KCNMA1: variants seen among roughly 807,000 people sequenced by gnomAD.
KCNMA1 encodes potassium calcium-activated channel subfamily M alpha 1, also known as Calcium-activated potassium channel subunit alpha-1.
Under a neutral mutation model 140.0 loss-of-function variants are expected in KCNMA1, and 29 were observed. The observed-to-expected ratio is 0.21, with a 90% CI of 0.15 to 0.28. KCNMA1 has a LOEUF of 0.28. Among genes scored for constraint, KCNMA1 ranks in the 10% least tolerant of loss-of-function variants. The probability of loss-of-function intolerance (pLI) is 1.00; values close to 1 mark genes in which losing one functional copy is unlikely to be tolerated. For missense variants in KCNMA1, 880 were observed against 1,602.2 expected, an observed-to-expected ratio of 0.55 and a Z score of 7.70; for synonymous variants, 612 against 611.9, an observed-to-expected ratio of 1.00 and a Z score of 0.00.
At chr10:76,931,480 T>C (rs2059259069) in intron 23 of KCNMA1, among the ~76,000 whole-genome samples, 1 of 150,762 alleles carries the variant, frequency 6.6e-6, no homozygotes, top group Admixed American at 6.6e-5. Context: ...TAATATGCTA[T>C]AGGTTTTCTG....
intron 5 of KCNMA1, among the ~76,000 whole-genome samples, chr10:77,160,176 A>C (rs2098539903): frequency 6.6e-6 from 1 of 151,810 alleles, no homozygotes; most frequent in Admixed American, 6.6e-5. Flanking sequence ...GAGTAAATCC[A>C]CTCCAGTTAC....
chr10:77,128,642 T>C (rs2097791376), intron 5 of KCNMA1, among the ~76,000 whole-genome samples: 1 of 152,162 alleles, frequency 6.6e-6, no homozygotes, highest in Non-Finnish European at 1.5e-5. Flanking sequence ...ACTTTTTCTA[T>C]AAATGAACAT....
intron 5 of KCNMA1, among the ~76,000 whole-genome samples, chr10:77,145,325 A>T (rs1423380428): frequency 6.6e-6 from 1 of 152,258 alleles, no homozygotes; most frequent in Non-Finnish European, 1.5e-5. Context: ...ACAAGAAAGG[A>T]TTTCTTATAA....
intron 1 of KCNMA1, chr10:77,433,633 C>T (rs543829606): frequency 1.2e-4 from 18 of 152,292 alleles, no homozygotes; most frequent in African/African-American, 2.9e-4. Context: ...CTGTAGAATC[C>T]GTGTATGCCT....
At chr10:77,397,206 C>T (rs1032987216) in intron 2 of KCNMA1, among the ~76,000 whole-genome samples, 1 of 152,118 alleles carries the variant, frequency 6.6e-6, no homozygotes, top group Non-Finnish European at 1.5e-5. Flanking sequence ...AAGAGTGTGA[C>T]ACTCTTGCTA....
chr10:77,451,473 T>C (rs1442825740), intron 1 of KCNMA1, among the ~76,000 whole-genome samples: 2 of 152,118 alleles, frequency 1.3e-5, no homozygotes, highest in South Asian at 2.1e-4. Context: ...TGAGAAGGCA[T>C]GTACCAACTC....
chr10:77,268,566 T>C (rs1043630152), intron 2 of KCNMA1, among the ~76,000 whole-genome samples: 1 of 152,018 alleles, frequency 6.6e-6, no homozygotes, highest in Non-Finnish European at 1.5e-5. Context: ...AGATTTCAGA[T>C]CAAAAGCAGT....
intron 1 of KCNMA1, among the ~76,000 whole-genome samples, chr10:77,450,118 C>T (rs889389716): frequency 1.7e-4 from 26 of 152,196 alleles, no homozygotes; most frequent in Non-Finnish European, 2.4e-4. Flanking sequence ...TGCAGTGGCA[C>T]GATCTTGGCT....
At chr10:77,605,765 C>G (rs1455371647) in intron 1 of KCNMA1, among the ~76,000 whole-genome samples, 1 of 152,230 alleles carries the variant, frequency 6.6e-6, no homozygotes, top group Non-Finnish European at 1.5e-5. Flanking sequence ...CTGGCTGATA[C>G]ATGGCAATGA....
At chr10:77,617,739 C>T (rs2090074527) in intron 1 of KCNMA1, among the ~76,000 whole-genome samples, 1 of 152,166 alleles carries the variant, frequency 6.6e-6, no homozygotes, top group Non-Finnish European at 1.5e-5. Context: ...ACATCATAGG[C>T]TGATTTAGAG....
At chr10:77,500,678 T>C (rs1005525836) in intron 1 of KCNMA1, among the ~76,000 whole-genome samples, 1 of 152,088 alleles carries the variant, frequency 6.6e-6, no homozygotes, top group Non-Finnish European at 1.5e-5. Context: ...AAACATCAAA[T>C]TGTCAAAAAT....
intron 1 of KCNMA1, among the ~76,000 whole-genome samples, chr10:77,579,141 T>G (rs2075116664): frequency 1.3e-5 from 2 of 152,186 alleles, no homozygotes; most frequent in African/African-American, 4.8e-5. Flanking sequence ...GAGTCAGTGA[T>G]GTCTAGCCAA....
intron 3 of KCNMA1, 167 bp downstream of exon 3, chr10:77,251,027 CT>C: frequency 1.5e-6 from 1 of 659,872 alleles, no homozygotes; most frequent in Non-Finnish European, 2.7e-6. Context: ...CTTCTGAGAA[CT>C]TTCTTTCCCA....
intron 12 of KCNMA1, 101 bp downstream of exon 12, chr10:77,084,536 A>T: frequency 1.1e-6 from 1 of 909,080 alleles, no homozygotes. Flanking sequence ...TTGTGGGGCA[A>T]AAAGGCCTCA....
At chr10:77,213,066 G>A (rs2046595896) in intron 3 of KCNMA1, among the ~76,000 whole-genome samples, 1 of 151,876 alleles carries the variant, frequency 6.6e-6, no homozygotes, top group Non-Finnish European at 1.5e-5. Context: ...TGCAATTGGT[G>A]TAATTAAATC....
chr10:76,943,146 T>G (rs2063024786), intron 23 of KCNMA1, among the ~76,000 whole-genome samples: 1 of 152,192 alleles, frequency 6.6e-6, no homozygotes, highest in African/African-American at 2.4e-5. Flanking sequence ...AAGGTCAGCT[T>G]ACTGTCTTCT....
chr10:77,211,477 T>C (rs2046058646), intron 3 of KCNMA1, among the ~76,000 whole-genome samples: 1 of 152,154 alleles, frequency 6.6e-6, no homozygotes, highest in South Asian at 2.1e-4. Flanking sequence ...AAGATTTAAA[T>C]AGAAGACCTC....
chr10:77,324,838 C>T (rs979948815), intron 2 of KCNMA1, among the ~76,000 whole-genome samples: 5 of 152,108 alleles, frequency 3.3e-5, no homozygotes, highest in Non-Finnish European at 7.4e-5. Flanking sequence ...CAGGGGTCCC[C>T]TTTCCAAACC....
chr10:77,079,369 A>AGTGTGT lies in KCNMA1; in HGVS notation c.1593+106_1593+111dup, dbSNP rs68133946. 105,845 of 656,222 alleles carry AGTGTGT rather than the reference A, an allele frequency of 0.16. 2,821 individuals are homozygous for AGTGTGT. Among genetic ancestry groups the AGTGTGT allele is most frequent in the Non-Finnish European group, 0.18 (65,962 of 357,190 alleles). 40.6% of individuals were successfully genotyped at this position (656,222 alleles called of 1,614,324 possible). A position where few individuals can be genotyped will look rare whatever the true frequency, so the allele number is the denominator to read the frequency against. On this transcript the variant is annotated intron_variant, in intron 13 of 27. Transcript: ENST00000286628. ...AGTTGCGCACATGTGGGCATGTGAG[A>AGTGTGT]GTGTGTGTGTGTGTGTGTGTGTGTG...
Sources: allele counts gnomAD v4.1 joint callset (sites outside exome capture counted in the v4.1 genomes callset), GRCh38; gene constraint gnomAD v4.1.1; transcripts MANE v1.5; gene names NCBI Gene and HGNC (gene_info 2026-07-23, HGNC 2026-07-21).